Variants in NTM observed in about 807,000 individuals in gnomAD.
The protein encoded by NTM is IgLON family member 2.
Under a neutral mutation model 42.1 loss-of-function variants are expected in NTM, and 13 were observed. That is an observed-to-expected ratio of 0.31 (90% CI 0.20 to 0.49). The LOEUF (loss-of-function observed/expected upper bound fraction) is 0.49. Among genes scored for constraint, NTM ranks in the 20% least tolerant of loss-of-function variants. The pLI is 0.99. For synonymous variants in NTM, 187 were observed against 179.2 expected (o/e 1.04, Z -0.35); for missense variants, 373 against 452.8 (o/e 0.82, Z 1.60).
chr11:131,433,095 G>C (rs768568021), intron 1 of NTM, among the ~76,000 whole-genome samples: 33 of 151,884 alleles, frequency 2.2e-4, no homozygotes, highest in Non-Finnish European at 4.1e-4. Flanking sequence ...CTGACCTCGT[G>C]ATCCCCCCGT....
chr11:132,236,860 C>T (rs542968538), intron 4 of NTM, among the ~76,000 whole-genome samples: 41 of 152,144 alleles, frequency 2.7e-4, no homozygotes, highest in Non-Finnish European at 3.1e-4. Context: ...TGTGTGATGT[C>T]GAAGGCCAGG....
intron 2 of NTM, among the ~76,000 whole-genome samples, chr11:132,087,499 G>A (rs2059868911): frequency 6.6e-6 from 1 of 152,078 alleles, no homozygotes. Flanking sequence ...TGGGACAAAG[G>A]AACTGCCTCA....
rs141936505 is a variant in NTM, at chr11:132,200,579, A to T, written c.401-11443A>T. On this transcript the variant is annotated intron_variant, in intron 3 of 8. Coordinates refer to ENST00000683400, the MANE Select transcript of NTM (RefSeq NM_001352005.2). Reference sequence around the variant, plus strand: ...AGTTTTATAGCTTGTGTTTGAGTGCATAACTACCAGTGCTTTTAGGCAATT... The same window carrying T: ...AGTTTTATAGCTTGTGTTTGAGTGCTTAACTACCAGTGCTTTTAGGCAATT... Among the ~76,000 whole-genome samples, 245 of 152,374 alleles carry T rather than the reference A, an allele frequency of 1.6e-3. 1 individual carries two copies. Among genetic ancestry groups the T allele is most frequent in the African/African-American group, 5.6e-3 (233 of 41,584 alleles).
chr11:131,903,591 GA>G (rs1565702568), intron 1 of NTM, among the ~76,000 whole-genome samples: 1 of 152,212 alleles, frequency 6.6e-6, no homozygotes, highest in East Asian at 1.9e-4. Flanking sequence ...AGACGAATGG[GA>G]AGAATGGAAG....
chr11:132,295,372 C>T (rs1295094307), intron 4 of NTM, among the ~76,000 whole-genome samples: 2 of 152,128 alleles, frequency 1.3e-5, no homozygotes, highest in Non-Finnish European at 2.9e-5. Context: ...CTTCTACGTG[C>T]TAAACCTGCT....
chr11:131,793,198 TA>T (rs2091166229), intron 1 of NTM, among the ~76,000 whole-genome samples: 1 of 152,154 alleles, frequency 6.6e-6, no homozygotes, highest in African/African-American at 2.4e-5. Flanking sequence ...GTTGGAAGAG[TA>T]ATTTTCCTAT....
intron 1 of NTM, among the ~76,000 whole-genome samples, chr11:131,541,800 G>T (rs2053299041): frequency 6.6e-6 from 1 of 152,184 alleles, no homozygotes; most frequent in Non-Finnish European, 1.5e-5. Flanking sequence ...ACATATTTAA[G>T]ACTTTGTGTT....
chr11:132,071,010 C>A (rs1195097156), intron 2 of NTM, among the ~76,000 whole-genome samples: 14 of 135,928 alleles, frequency 1.0e-4, no homozygotes, highest in African/African-American at 3.7e-4. Context: ...TCACACTGAC[C>A]ATCACAGGTT....
At chr11:131,726,793 A>G (rs1367601669) in intron 1 of NTM, among the ~76,000 whole-genome samples, 2 of 150,982 alleles carry the variant, frequency 1.3e-5, no homozygotes, top group African/African-American at 5.0e-5. Flanking sequence ...AGCTCATTGC[A>G]GCCTAAACCT....
At chr11:131,769,593 A>G (rs2135900066) in intron 1 of NTM, 1 of 983,832 alleles carries the variant, frequency 1.0e-6, no homozygotes, top group South Asian at 4.7e-5. Context: ...CATTTGGATA[A>G]TGCTGTCCTG....
chr11:131,821,720 G>A (rs1455979076), intron 1 of NTM, among the ~76,000 whole-genome samples: 1 of 152,172 alleles, frequency 6.6e-6, no homozygotes, highest in Non-Finnish European at 1.5e-5. Flanking sequence ...GTGGAGGAAG[G>A]GCTCTGGGGC....
intron 1 of NTM, among the ~76,000 whole-genome samples, chr11:131,742,101 C>T (rs904741029): frequency 1.6e-4 from 24 of 152,158 alleles, no homozygotes; most frequent in Admixed American, 5.2e-4. Context: ...TGGGTGAGGA[C>T]CAGGAAAAAT....
intron 1 of NTM, among the ~76,000 whole-genome samples, chr11:131,750,940 G>A (rs2082418170): frequency 6.6e-6 from 1 of 152,044 alleles, no homozygotes; most frequent in African/African-American, 2.4e-5. Context: ...CCAGGGGCCT[G>A]CATCCAGGCT....
In NTM at chr11:131,896,845, A is replaced by C. The variant is rs573183966; in HGVS notation, c.83-14719A>C. Reference sequence around the variant, plus strand: ...CTGGGACTACAGGCGCCCGCCACCAAGCCGGGCTAATTTTTTGTATTTTTA... The same window carrying C: ...CTGGGACTACAGGCGCCCGCCACCACGCCGGGCTAATTTTTTGTATTTTTA... On this transcript the variant is annotated intron_variant, in intron 1 of 8. Transcript: ENST00000683400. 8.6e-5 allele frequency among the ~76,000 whole-genome samples: 13 copies of C among 151,908 alleles called. No homozygotes were observed. The South Asian group carries it at 1.3e-3, about 15-fold the overall frequency.
chr11:131,480,827 C>G (rs1953499071), intron 1 of NTM, among the ~76,000 whole-genome samples: 2 of 152,068 alleles, frequency 1.3e-5, no homozygotes, highest in African/African-American at 2.4e-5. Context: ...TTTCCATCCC[C>G]TGAAGCTTCT....
intron 4 of NTM, among the ~76,000 whole-genome samples, chr11:132,217,358 CTGTGTGTGTGTG>C (rs375759515): frequency 8.4e-5 from 12 of 142,746 alleles, no homozygotes; most frequent in East Asian, 4.1e-4. Context: ...CTCTCTCTTT[CTGTGTGTGTGTG>C]TGTGTGTGTG....
chr11:131,562,927 A>G (rs1322201343), intron 1 of NTM, among the ~76,000 whole-genome samples: 3 of 152,166 alleles, frequency 2.0e-5, no homozygotes. Context: ...AGTCCTGCAT[A>G]TGCATGAGGT....
At chr11:132,319,505 G>A (rs1453034709) in intron 7 of NTM, among the ~76,000 whole-genome samples, 2 of 152,152 alleles carry the variant, frequency 1.3e-5, no homozygotes, top group African/African-American at 2.4e-5. Flanking sequence ...CTACACCCAC[G>A]GAGTCTCACT....
intron 2 of NTM, among the ~76,000 whole-genome samples, chr11:132,093,459 C>A (rs1263750969): frequency 2.0e-5 from 3 of 152,176 alleles, no homozygotes; most frequent in East Asian, 3.9e-4. Flanking sequence ...TTGGACTGAG[C>A]AGTCTTCTCT....
Sources: allele counts gnomAD v4.1 joint callset (sites outside exome capture counted in the v4.1 genomes callset), GRCh38; gene constraint gnomAD v4.1.1; transcripts MANE v1.5; gene names NCBI Gene and HGNC (gene_info 2026-07-23, HGNC 2026-07-21).